ETFRF1: variants seen among roughly 807,000 people sequenced by gnomAD.
ETFRF1 encodes the protein LYR motif containing 5.
ETFRF1 carries 12 observed loss-of-function variants against 9.0 expected under a neutral mutation model. That is an observed-to-expected ratio of 1.34 (90% CI 0.86 to 2.16). The LOEUF is 2.16. Ranked by LOEUF, ETFRF1 falls within the 30% of genes most tolerant of loss-of-function variation. The pLI is 0.00. For missense variants in ETFRF1, 98 were observed against 101.8 expected (o/e 0.96, Z 0.16); for synonymous variants, 34 against 33.2 (o/e 1.02, Z -0.08).
intron 1 of ETFRF1, among the ~76,000 whole-genome samples, chr12:25,199,160 TTA>T (rs1221701976): frequency 6.6e-6 from 1 of 150,992 alleles, no homozygotes; most frequent in Non-Finnish European, 1.5e-5. Flanking sequence ...ATATGCATAT[TTA>T]TAGATATATA....
At chr12:25,195,360 G>A (rs1950963021) in intron 1 of ETFRF1, 23 bp downstream of exon 1, 10 of 591,370 alleles carry the variant, frequency 1.7e-5, no homozygotes, top group Non-Finnish European at 3.0e-6. Context: ...CGCCGCCGGG[G>A]AGTTTTGTTC....
Position 25,204,242 on chromosome 12 carries a change from C to T in ETFRF1, c.203C>T (p.Ala68Val), listed in dbSNP as rs781070753. Residue 68 changes from alanine to valine, a missense_variant, in exon 3 of 3, where the codon GCT becomes GTT. Transcript: ENST00000381356. Reference sequence around the variant, plus strand: ...GAATTTGTAATGAAAGAGCTAGAAGCTTTGTACTTCCTTAGGAAATACAGA... The same window carrying T: ...GAATTTGTAATGAAAGAGCTAGAAGTTTTGTACTTCCTTAGGAAATACAGA... The part of the protein sequence containing the change: ...QGEFVMKELE[A>V]LYFLRKYRAM... 1 of 1,609,590 alleles carries T rather than the reference C, an allele frequency of 6.2e-7. No individual in the cohort carries two copies. The highest frequency in any genetic ancestry group is 1.1e-5 in the South Asian group (1 of 89,848).
chr12:25,195,664 C>T (rs1253676085), intron 1 of ETFRF1: 1 of 158,772 alleles, frequency 6.3e-6, no homozygotes, highest in Non-Finnish European at 1.4e-5. Flanking sequence ...AGATTAATGA[C>T]CTTCGGATTC....
intron 1 of ETFRF1, among the ~76,000 whole-genome samples, chr12:25,197,116 T>C (rs900363583): frequency 6.7e-6 from 1 of 150,126 alleles, no homozygotes; most frequent in Non-Finnish European, 1.5e-5. Flanking sequence ...ATCGCACCAC[T>C]ACACTCCAGC....
At position 25,204,090 on chromosome 12, in the gene ETFRF1, G is replaced by A; in HGVS notation, c.52-1G>A. The A allele has an allele frequency of 6.4e-7, 1 of 1,572,410 alleles. No homozygotes were observed. On this transcript the variant is annotated splice_acceptor_variant, in intron 2 of 2. Coordinates refer to ENST00000381356, the MANE Select transcript of ETFRF1 (RefSeq NM_001001660.3). LOFTEE classifies it high-confidence loss of function. ...GAAATATATAATCTTTCTTTTTGAA[G>A]CTGCTGTATCTTGGACGAGACTATC...
intron 1 of ETFRF1, among the ~76,000 whole-genome samples, chr12:25,199,566 A>T (rs1406288222): frequency 6.6e-6 from 1 of 150,914 alleles, no homozygotes; most frequent in Admixed American, 6.6e-5. Context: ...ACTATATACT[A>T]TATAGTATCT....
In ETFRF1 at chr12:25,196,596, G is replaced by GA. The variant is rs539262322; in HGVS notation, c.-38+1265dup. 7.2e-5 allele frequency among the ~76,000 whole-genome samples: 11 copies of GA among 152,258 alleles called. No individual in the cohort carries two copies. In the South Asian group the frequency reaches 1.2e-3, roughly 17 times the overall value. On this transcript the variant is annotated intron_variant, in intron 1 of 2. Coordinates refer to ENST00000381356, the MANE Select transcript of ETFRF1 (RefSeq NM_001001660.3). ...ACTCCTTAGCCTAGAATGACAGGGG[G>GA]AAAAAACTATCAATGGGGACTGCAA...
chr12:25,198,396 C>T (rs909695918), intron 1 of ETFRF1, among the ~76,000 whole-genome samples: 1 of 152,138 alleles, frequency 6.6e-6, no homozygotes, highest in South Asian at 2.1e-4. Flanking sequence ...ACCCAGAGCA[C>T]CCTAAGTGAA....
chr12:25,203,941 A>G lies in ETFRF1; in HGVS notation c.-16A>G. The G allele has an allele frequency of 6.9e-7, 1 of 1,447,450 alleles. No homozygotes were observed. Among genetic ancestry groups the G allele is most frequent in the Non-Finnish European group, 9.1e-7 (1 of 1,099,318 alleles). The allele number at this position is 1,447,450 out of a possible 1,614,324, so 89.7% of individuals were successfully genotyped here. On this transcript the variant is annotated 5_prime_UTR_variant, in exon 2 of 3. Transcript: ENST00000381356. ...TTAGGTATGTTATGCATAAAAGTGGATAATTTACATGATAAATGAAAATGG... is the reference window on the plus strand; with the variant it reads ...TTAGGTATGTTATGCATAAAAGTGGGTAATTTACATGATAAATGAAAATGG...
intron 1 of ETFRF1, 134 bp from the exon 2 acceptor site, chr12:25,203,786 C>A (rs949487667): frequency 2.0e-6 from 1 of 512,446 alleles, no homozygotes; most frequent in Non-Finnish European, 3.3e-6. Flanking sequence ...TATCCCAGTA[C>A]GTGGAACGAA....
Position 25,204,971 on chromosome 12 carries a change from A to G in ETFRF1, c.*659A>G, listed in dbSNP as rs1018385588. The stretch of plus-strand genomic sequence containing the variant: ...AAACCAAGTCACCTGTTGTGTATCA[A>G]TTACCTTCTTTGATAAAAGGAAATA... On this transcript the variant is annotated 3_prime_UTR_variant, in exon 3 of 3. Coordinates refer to ENST00000381356, the MANE Select transcript of ETFRF1 (RefSeq NM_001001660.3). The G allele has an allele frequency of 2.9e-5, 6 of 204,366 alleles. No homozygotes were observed. The highest frequency in any genetic ancestry group is 1.6e-3 in the Middle Eastern group (1 of 620). The allele number at this position is 204,366 out of a possible 1,614,324, so 12.7% of individuals were successfully genotyped here. A position where few individuals can be genotyped will look rare whatever the true frequency, so the allele number is the denominator to read the frequency against.
At chr12:25,201,509 AAGG>A (rs1951072729) in intron 1 of ETFRF1, among the ~76,000 whole-genome samples, 1 of 152,200 alleles carries the variant, frequency 6.6e-6, no homozygotes, top group African/African-American at 2.4e-5. Context: ...AGAGATGGGG[AAGG>A]AGAAGCAATT....
intron 1 of ETFRF1, among the ~76,000 whole-genome samples, chr12:25,202,347 C>T (rs1454557917): frequency 6.6e-6 from 1 of 151,802 alleles, no homozygotes; most frequent in Admixed American, 6.6e-5. Context: ...GAAAGGCTGG[C>T]AAGGTAGTAG....
At position 25,204,002 on chromosome 12, in the gene ETFRF1, A is replaced by G; in HGVS notation, c.46A>G (p.Lys16Glu). The change falls in exon 2 of 3, where the codon AAA becomes GAA. Residue 16 changes from lysine (K) to glutamate (E), a missense_variant. Coordinates refer to ENST00000381356, the MANE Select transcript of ETFRF1 (RefSeq NM_001001660.3). ...SLRGEVLKLY[K>E]NLLYLGRDYP... ...AAGAGGAGAAGTACTAAAACTTTATAAAAATGTAAGTAATTATGTTGCCAA... is the reference window on the plus strand; with the variant it reads ...AAGAGGAGAAGTACTAAAACTTTATGAAAATGTAAGTAATTATGTTGCCAA... 1 of 1,508,386 alleles carries G rather than the reference A, an allele frequency of 6.6e-7. No homozygotes were observed. The highest frequency in any genetic ancestry group is 2.5e-5 in the East Asian group (1 of 40,680). The allele number at this position is 1,508,386 out of a possible 1,614,324, so 93.4% of individuals were successfully genotyped here.
chr12:25,200,255 G>T (rs1951064773), intron 1 of ETFRF1, among the ~76,000 whole-genome samples: 1 of 151,736 alleles, frequency 6.6e-6, no homozygotes, highest in Admixed American at 6.6e-5. Flanking sequence ...AAAAGGAAGA[G>T]AACATGTTTA....
chr12:25,200,568 TA>T (rs1379839723), intron 1 of ETFRF1, among the ~76,000 whole-genome samples: 1 of 152,136 alleles, frequency 6.6e-6, no homozygotes, highest in African/African-American at 2.4e-5. Flanking sequence ...ATAGCAATGG[TA>T]AAAGCAAACA....
chr12:25,203,318 G>C (rs1240348389), intron 1 of ETFRF1, among the ~76,000 whole-genome samples: 1 of 152,170 alleles, frequency 6.6e-6, no homozygotes, highest in East Asian at 1.9e-4. Flanking sequence ...CTGTTCCTCA[G>C]GGACACCCTC....
In ETFRF1 at chr12:25,195,267, A is replaced by C; in HGVS notation, c.-108A>C. 1.5e-6 allele frequency: 1 copy of C among 649,256 alleles called. No individual in the cohort carries two copies. The highest frequency in any genetic ancestry group is 2.8e-6 in the Non-Finnish European group (1 of 363,044). The allele number at this position is 649,256 out of a possible 1,614,324, so 40.2% of individuals were successfully genotyped here. On this transcript the variant is annotated 5_prime_UTR_variant, in exon 1 of 3. Coordinates refer to ENST00000381356, the MANE Select transcript of ETFRF1 (RefSeq NM_001001660.3). ...CAGGTTGCCCACCTCCCCCAACGCC[A>C]CCCCGCTTCGCAGTAGACGGACAGA... is the stretch of plus-strand genomic sequence containing the variant.
rs1950959111 is a variant in ETFRF1 at position 25,195,295 on chromosome 12, A to T, written c.-80A>T. ...CCGCTTCGCAGTAGACGGACAGAGG[A>T]GTCGTAGCGGTCGAGGCTTTTGCGG... is the stretch of plus-strand genomic sequence containing the variant. On this transcript the variant is annotated 5_prime_UTR_variant, in exon 1 of 3. Transcript: ENST00000381356. 1.5e-5 allele frequency: 9 copies of T among 616,558 alleles called. No individual in the cohort carries two copies. Among genetic ancestry groups the T allele is most frequent in the Non-Finnish European group, 2.6e-5 (9 of 347,046 alleles). The allele number at this position is 616,558 out of a possible 1,614,324, so 38.2% of individuals were successfully genotyped here. A position where few individuals can be genotyped will look rare whatever the true frequency, so the allele number is the denominator to read the frequency against.
Sources: gnomAD v4.1 joint callset for allele counts (sites outside exome capture counted in the v4.1 genomes callset) on GRCh38, gnomAD v4.1.1 for gene constraint, MANE v1.5 for transcripts, NCBI Gene and HGNC (gene_info 2026-07-23, HGNC 2026-07-21) for gene names.